Variants in BTBD16 observed in about 807,000 individuals in gnomAD.
The protein encoded by BTBD16 is BTB/POZ domain-containing protein 16.
Under a neutral mutation model 67.4 loss-of-function variants are expected in BTBD16, and 66 were observed. That is an observed-to-expected ratio of 0.98 (90% CI 0.80 to 1.20). The LOEUF (loss-of-function observed/expected upper bound fraction) is 1.20, where lower values mean the gene tolerates loss of function less well. Among genes scored for constraint, BTBD16 ranks in the 50% most tolerant of loss-of-function variants. The pLI is 0.00. For synonymous variants in BTBD16, 242 were observed against 236.4 expected (o/e 1.02, Z -0.22); for missense variants, 634 against 616.0 (o/e 1.03, Z -0.31).
intron 11 of BTBD16, 134 bp downstream of exon 11, chr10:122,329,705 C>A: frequency 1.4e-6 from 1 of 708,486 alleles, no homozygotes; most frequent in East Asian, 2.7e-5. Context: ...CACTTCCAAG[C>A]TGTGTGACTT....
At chr10:122,289,852 CTG>C (rs2096370576) in intron 5 of BTBD16, 55 bp from the exon 6 acceptor site, 3 of 1,356,426 alleles carry the variant, frequency 2.2e-6, no homozygotes, top group Non-Finnish European at 3.2e-6. Flanking sequence ...GTGCCTCCCA[CTG>C]TGTCTTCACC....
intron 10 of BTBD16, among the ~76,000 whole-genome samples, chr10:122,314,896 A>T (rs2096421131): frequency 6.6e-6 from 1 of 152,166 alleles, no homozygotes; most frequent in Non-Finnish European, 1.5e-5. Context: ...TGTTGAGTAG[A>T]CATGAACATC....
intron 10 of BTBD16, among the ~76,000 whole-genome samples, chr10:122,313,046 T>G (rs2096416974): frequency 6.6e-6 from 1 of 151,368 alleles, no homozygotes; most frequent in Non-Finnish European, 1.5e-5. Context: ...CTGGCTAATT[T>G]TTTGTATTTT....
chr10:122,336,496 A>G lies in BTBD16; in HGVS notation c.1266A>G (p.Arg422=). 1 of 1,603,348 alleles carries G rather than the reference A, an allele frequency of 6.2e-7. No individual in the cohort carries two copies. Among genetic ancestry groups the G allele is most frequent in the Non-Finnish European group, 8.5e-7 (1 of 1,175,604 alleles). The change falls in exon 15 of 16, where the codon AGA becomes AGG. Residue 422 remains arginine, a splice_region_variant and synonymous_variant. Transcript: ENST00000260723. ...AAGGTGAATCACTCTCTTTGCAGAG[A>G]ATAAAGCACACAGACCTGGAATCTC... ...DTTSYSFYMQ[R]IKHTDLESPS... is the part of the protein sequence containing the mutation.
intron 9 of BTBD16, among the ~76,000 whole-genome samples, chr10:122,306,204 G>C (rs2096403449): frequency 6.6e-6 from 1 of 152,216 alleles, no homozygotes; most frequent in Non-Finnish European, 1.5e-5. Context: ...CATAAGCAAA[G>C]GAATGTGGGT....
chr10:122,331,441 G>C (rs929331865), intron 12 of BTBD16, 183 bp downstream of exon 12: 1 of 569,676 alleles, frequency 1.8e-6, no homozygotes, highest in Non-Finnish European at 2.2e-6. Flanking sequence ...AGGAGACCCA[G>C]CCTTGGAATC....
chr10:122,275,040 G>GTTGCTTGT lies in BTBD16; in HGVS notation c.-41_-34dup. Reference sequence around the variant, plus strand: ...CACCTTTACCTCTTTTGTCTTCTAGGTTGCTTGTCTTTTCTCTCCTGCGTA... The same window carrying GTTGCTTGT: ...CACCTTTACCTCTTTTGTCTTCTAGGTTGCTTGTTTGCTTGTCTTTTCTCTCCTGCGTA... On this transcript the variant is annotated splice_region_variant and 5_prime_UTR_variant, in exon 2 of 16. Coordinates refer to ENST00000260723, the MANE Select transcript of BTBD16 (RefSeq NM_144587.5). 5 of 1,610,892 alleles carry GTTGCTTGT rather than the reference G, an allele frequency of 3.1e-6. No homozygotes were observed. Among genetic ancestry groups the GTTGCTTGT allele is most frequent in the Non-Finnish European group, 4.2e-6 (5 of 1,177,300 alleles).
intron 10 of BTBD16, among the ~76,000 whole-genome samples, chr10:122,314,964 T>G (rs2096421302): frequency 6.6e-6 from 1 of 152,112 alleles, no homozygotes; most frequent in Non-Finnish European, 1.5e-5. Context: ...CTTCCCAGTC[T>G]CAAGGAAAAA....
At chr10:122,327,809 G>A (rs2096447902) in intron 10 of BTBD16, among the ~76,000 whole-genome samples, 1 of 152,180 alleles carries the variant, frequency 6.6e-6, no homozygotes, top group African/African-American at 2.4e-5. Context: ...GGTTCCTCTT[G>A]CCCCTGCCAG....
rs149044505 is a variant in BTBD16 at position 122,332,160 on chromosome 10, G to T, written c.1087-276G>T. On this transcript the variant is annotated intron_variant, in intron 12 of 15. Coordinates refer to ENST00000260723, the MANE Select transcript of BTBD16 (RefSeq NM_144587.5). The stretch of plus-strand genomic sequence containing the variant: ...TGATTTTGTGACTGTGATCATCTCT[G>T]CCCCATGCACACATTTTATTTCCCA... 1.8e-3 allele frequency: 671 copies of T among 376,442 alleles called. 2 individuals are homozygous for T. Among genetic ancestry groups the T allele is most frequent in the Non-Finnish European group, 2.6e-3 (545 of 206,150 alleles). 23.3% of individuals were successfully genotyped at this position (376,442 alleles called of 1,614,324 possible). A position where few individuals can be genotyped will look rare whatever the true frequency, so the allele number is the denominator to read the frequency against.
At chr10:122,304,833 G>T (rs2096400715) in intron 9 of BTBD16, among the ~76,000 whole-genome samples, 1 of 152,174 alleles carries the variant, frequency 6.6e-6, no homozygotes, top group Non-Finnish European at 1.5e-5. Flanking sequence ...GATTACAGGT[G>T]TGAGCCACTG....
At chr10:122,281,827 G>A (rs1000719858) in intron 3 of BTBD16, among the ~76,000 whole-genome samples, 2 of 152,216 alleles carry the variant, frequency 1.3e-5, no homozygotes, top group African/African-American at 4.8e-5. Context: ...GTATGTCCAT[G>A]AGAAACTTAC....
chr10:122,317,908 A>T (rs747510725), intron 10 of BTBD16, among the ~76,000 whole-genome samples: 1 of 152,158 alleles, frequency 6.6e-6, no homozygotes, highest in African/African-American at 2.4e-5. Context: ...GAAGGAAAAC[A>T]CTATAAAATA....
At chr10:122,329,593 C>G in intron 11 of BTBD16, 22 bp downstream of exon 11, 2 of 1,606,510 alleles carry the variant, frequency 1.2e-6, no homozygotes. Flanking sequence ...TCCAGGCGAG[C>G]GCATCCACGG....
chr10:122,318,696 C>T (rs772899576), intron 10 of BTBD16, among the ~76,000 whole-genome samples: 3 of 152,206 alleles, frequency 2.0e-5, no homozygotes, highest in Admixed American at 6.5e-5. Context: ...AGTGATTCTC[C>T]TGCCTCAGCC....
intron 13 of BTBD16, 72 bp downstream of exon 13, chr10:122,332,585 A>T: frequency 6.8e-7 from 1 of 1,480,566 alleles, no homozygotes; most frequent in Non-Finnish European, 9.3e-7. Context: ...TTTGGAGGGC[A>T]GCCATGATCA....
Position 122,331,222 on chromosome 10 carries a change from A to G in BTBD16, c.1050A>G (p.Ser350=). ...GGCACCTTAACTTCTTCCCAGAGTC[A>G]TGGCTCGACCAGGTTACAGTCAACC... ...VLRHLNFFPE[S]WLDQVTVNHY... Residue 350 remains serine, a synonymous_variant, in exon 12 of 16, where the codon TCA becomes TCG. Transcript: ENST00000260723. 6.2e-7 allele frequency: 1 copy of G among 1,613,946 alleles called. No homozygotes were observed. Among genetic ancestry groups the G allele is most frequent in the African/African-American group, 1.3e-5 (1 of 75,028 alleles).
At chr10:122,330,246 G>A (rs9663195) in intron 11 of BTBD16, among the ~76,000 whole-genome samples, 2,051 of 152,240 alleles carry the variant, frequency 0.013, 45 homozygotes, top group African/African-American at 0.047. Flanking sequence ...CCAGGGGGCC[G>A]TGAATGTTGG....
chr10:122,332,980 G>A, intron 13 of BTBD16: 1 of 985,250 alleles, frequency 1.0e-6, no homozygotes, highest in Non-Finnish European at 1.2e-6. Context: ...AGTGGGTCAA[G>A]GAGCTTGATT....
Sources: allele counts gnomAD v4.1 joint callset (sites outside exome capture counted in the v4.1 genomes callset), GRCh38; gene constraint gnomAD v4.1.1; transcripts MANE v1.5; gene names NCBI Gene and HGNC (gene_info 2026-07-23, HGNC 2026-07-21).